Variants in PACRG observed in about 807,000 individuals in gnomAD.
PACRG encodes the protein parkin coregulated gene protein.
PACRG carries 29 observed loss-of-function variants against 29.7 expected under a neutral mutation model. That is an observed-to-expected ratio of 0.98 (90% CI 0.73 to 1.33). The LOEUF (loss-of-function observed/expected upper bound fraction) is 1.33, where lower values mean the gene tolerates loss of function less well. Among genes scored for constraint, PACRG ranks in the 40% most tolerant of loss-of-function variants. The probability of loss-of-function intolerance (pLI) is 0.00; values close to 1 mark genes in which losing one functional copy is unlikely to be tolerated. For synonymous variants in PACRG, 116 were observed against 118.7 expected, an observed-to-expected ratio of 0.98 and a Z score of 0.15; for missense variants, 279 against 316.2, an observed-to-expected ratio of 0.88 and a Z score of 0.89.
intron 2 of PACRG, among the ~76,000 whole-genome samples, chr6:162,950,514 TAAA>T (rs1799570450): frequency 2.0e-5 from 3 of 151,866 alleles, no homozygotes; most frequent in Admixed American, 6.6e-5. Flanking sequence ...TCTCAATAAA[TAAA>T]TAAATAAATT....
At chr6:163,278,122 A>G (rs553439411) in intron 4 of PACRG, among the ~76,000 whole-genome samples, 3 of 152,114 alleles carry the variant, frequency 2.0e-5, no homozygotes, top group Non-Finnish European at 4.4e-5. Flanking sequence ...CTTGTTGGTC[A>G]TTCATATATC....
Position 163,174,094 on chromosome 6 carries a change from A to G in PACRG, c.613+84686A>G, listed in dbSNP as rs149908576. Among the ~76,000 whole-genome samples the G allele has an allele frequency of 1.5e-3, 229 of 152,288 alleles. 1 individual carries two copies. The highest frequency in any genetic ancestry group is 4.9e-3 in the African/African-American group (204 of 41,556). The stretch of plus-strand genomic sequence containing the variant: ...TCTACTCAGCTGGAAGTGATTTTTT[A>G]TGTAGAATATCCTTTCATGATTACT... On this transcript the variant is annotated intron_variant, in intron 4 of 4. Transcript: ENST00000366888.
chr6:163,313,307 A>G (rs1247700670), intron 4 of PACRG, among the ~76,000 whole-genome samples: 1 of 152,040 alleles, frequency 6.6e-6, no homozygotes, highest in African/African-American at 2.4e-5. Context: ...GTGACTCACA[A>G]TCTTTTTTTT....
At chr6:162,931,116 C>CA (rs1222558310) in intron 2 of PACRG, among the ~76,000 whole-genome samples, 1 of 151,568 alleles carries the variant, frequency 6.6e-6, no homozygotes, top group African/African-American at 2.4e-5. Context: ...CTTTCTTCTA[C>CA]AAAAAATTTT....
Position 162,914,683 on chromosome 6 carries a change from C to T in PACRG, c.291+100402C>T, listed in dbSNP as rs1796584477. On this transcript the variant is annotated intron_variant, in intron 2 of 4. Transcript: ENST00000366888. ...CCTGGGGAGAATTACCAGTTCCAAT[C>T]CATGATTCTGGCATATCTTTCAATT... Among the ~76,000 whole-genome samples the T allele has an allele frequency of 2.0e-5, 3 of 150,436 alleles. No individual in the cohort carries two copies. In the South Asian group the frequency reaches 6.2e-4, roughly 31 times the overall value.
intron 2 of PACRG, among the ~76,000 whole-genome samples, chr6:162,919,013 TCAG>T (rs1221839193): frequency 6.6e-6 from 1 of 152,070 alleles, no homozygotes; most frequent in Admixed American, 6.6e-5. Flanking sequence ...AGTAACTGGG[TCAG>T]CTTGACCTAG....
At chr6:162,946,633 C>T (rs1219765103) in intron 2 of PACRG, among the ~76,000 whole-genome samples, 1 of 152,044 alleles carries the variant, frequency 6.6e-6, no homozygotes, top group Non-Finnish European at 1.5e-5. Context: ...TTAACTCATT[C>T]TAAGAAGCCA....
intron 2 of PACRG, among the ~76,000 whole-genome samples, chr6:162,963,144 T>A (rs1476575207): frequency 6.6e-6 from 1 of 152,190 alleles, no homozygotes; most frequent in Non-Finnish European, 1.5e-5. Context: ...ATTAATTGCT[T>A]ATAAAAACTA....
In PACRG at chr6:162,747,349, TATATATATATATATACAC is replaced by T. The variant is rs1415166998; in HGVS notation, c.156+18962_156+18979del. ...TCATATATATATATATATATATATATATATATATATATATACACATACATATATATGTATATATATGTA... is the reference window on the plus strand; with the variant it reads ...TCATATATATATATATATATATATATATACATATATATGTATATATATGTA... On this transcript the variant is annotated intron_variant, in intron 1 of 4. Transcript: ENST00000366888. 3.9e-5 allele frequency among the ~76,000 whole-genome samples: 3 copies of T among 77,324 alleles called. 1 individual carries two copies. The highest frequency in any genetic ancestry group is 1.7e-4 in the Admixed American group (1 of 6,000). The allele number at this position is 77,324 out of a possible 152,430, so 50.7% of individuals were successfully genotyped here. A position where few individuals can be genotyped will look rare whatever the true frequency, so the allele number is the denominator to read the frequency against.
intron 4 of PACRG, among the ~76,000 whole-genome samples, chr6:163,295,767 C>A (rs1025350136): frequency 1.3e-5 from 2 of 152,190 alleles, no homozygotes; most frequent in African/African-American, 4.8e-5. Flanking sequence ...ACCTTCACAG[C>A]CACACGCTAA....
At chr6:162,753,352 G>T (rs116328099) in intron 1 of PACRG, among the ~76,000 whole-genome samples, 2 of 151,972 alleles carry the variant, frequency 1.3e-5, no homozygotes, top group Non-Finnish European at 2.9e-5. Flanking sequence ...AGAGCATGTG[G>T]TATTTTTCTT....
At chr6:162,964,294 G>T (rs960291431) in intron 2 of PACRG, among the ~76,000 whole-genome samples, 3 of 152,114 alleles carry the variant, frequency 2.0e-5, no homozygotes, top group Admixed American at 6.5e-5. Context: ...GGTAAAATGA[G>T]ATAATGCTCA....
intron 2 of PACRG, among the ~76,000 whole-genome samples, chr6:163,019,876 T>C (rs1248296690): frequency 6.6e-6 from 1 of 152,220 alleles, no homozygotes; most frequent in East Asian, 1.9e-4. Flanking sequence ...CTTTCGCCTA[T>C]AGAAACAGAC....
At chr6:163,202,499 G>A (rs1378294060) in intron 4 of PACRG, among the ~76,000 whole-genome samples, 2 of 152,072 alleles carry the variant, frequency 1.3e-5, no homozygotes, top group Admixed American at 6.6e-5. Flanking sequence ...TATAGATTCA[G>A]ATTTTCCCAT....
chr6:163,123,789 TC>T (rs1377253228), intron 4 of PACRG, among the ~76,000 whole-genome samples: 2 of 152,242 alleles, frequency 1.3e-5, no homozygotes, highest in Non-Finnish European at 2.9e-5. Context: ...TAGCATAATG[TC>T]TTCCAGATCT....
chr6:162,992,082 G>C (rs1339870800), intron 2 of PACRG, among the ~76,000 whole-genome samples: 1 of 143,140 alleles, frequency 7.0e-6, no homozygotes, highest in Non-Finnish European at 1.5e-5. Flanking sequence ...TCATCCCAGG[G>C]ATGAAGCCCA....
chr6:162,847,463 A>G (rs1790501355), intron 2 of PACRG, among the ~76,000 whole-genome samples: 1 of 150,716 alleles, frequency 6.6e-6, no homozygotes, highest in Non-Finnish European at 1.5e-5. Context: ...GTAATACTCG[A>G]TACTTTGCTA....
intron 4 of PACRG, among the ~76,000 whole-genome samples, chr6:163,124,944 A>G (rs1053335677): frequency 6.6e-6 from 1 of 152,252 alleles, no homozygotes; most frequent in Admixed American, 6.5e-5. Context: ...TTACAGTCTC[A>G]TGAAAATATA....
At chr6:162,986,764 G>C (rs115990091) in intron 2 of PACRG, among the ~76,000 whole-genome samples, 2 of 152,050 alleles carry the variant, frequency 1.3e-5, no homozygotes, top group Non-Finnish European at 2.9e-5. Context: ...CGAAAGCCTT[G>C]TCTTTTAACT....
Sources: gnomAD v4.1 joint callset for allele counts (sites outside exome capture counted in the v4.1 genomes callset) on GRCh38, gnomAD v4.1.1 for gene constraint, MANE v1.5 for transcripts, NCBI Gene and HGNC (gene_info 2026-07-23, HGNC 2026-07-21) for gene names.